The following ST6GALNAC3 variants were observed in gnomAD, a reference collection of about 807,000 sequenced individuals.
The protein encoded by ST6GALNAC3 is ST6 N-acetylgalactosaminide alpha-2,6-sialyltransferase 3, also known as alpha-N-acetylgalactosaminide alpha-2,6-sialyltransferase 3.
In ST6GALNAC3, 25 loss-of-function variants were observed where a neutral mutation model predicts 32.7. That is an observed-to-expected ratio of 0.76 (90% CI 0.56 to 1.07). The LOEUF is 1.07. Among genes scored for constraint, ST6GALNAC3 ranks in the 50% least tolerant of loss-of-function variants. The pLI is 0.00. For synonymous variants in ST6GALNAC3, 129 were observed against 133.1 expected, an observed-to-expected ratio of 0.97 and a Z score of 0.21; for missense variants, 355 against 382.4, an observed-to-expected ratio of 0.93 and a Z score of 0.60.
At chr1:76,511,563 G>C (rs1661864535) in intron 3 of ST6GALNAC3, among the ~76,000 whole-genome samples, 1 of 152,172 alleles carries the variant, frequency 6.6e-6, no homozygotes, top group Non-Finnish European at 1.5e-5. Flanking sequence ...AGATTCTTTA[G>C]AGCAAAGATA....
At chr1:76,277,230 T>A (rs940816267) in intron 1 of ST6GALNAC3, among the ~76,000 whole-genome samples, 2 of 152,082 alleles carry the variant, frequency 1.3e-5, no homozygotes, top group Non-Finnish European at 2.9e-5. Flanking sequence ...TACTCCAACC[T>A]CATATATATT....
chr1:76,360,550 A>G (rs1230979074), intron 2 of ST6GALNAC3, among the ~76,000 whole-genome samples: 1 of 152,238 alleles, frequency 6.6e-6, no homozygotes, highest in Non-Finnish European at 1.5e-5. Flanking sequence ...CAATATATTA[A>G]TACTAAATAT....
intron 3 of ST6GALNAC3, among the ~76,000 whole-genome samples, chr1:76,492,368 C>G (rs1466286883): frequency 6.6e-6 from 1 of 151,542 alleles, no homozygotes; most frequent in African/African-American, 2.4e-5. Flanking sequence ...GGAAAATAGA[C>G]TGACATAAAA....
rs76211181 is a variant in ST6GALNAC3, at chr1:76,265,828, G to C, written c.19-47977G>C. Among the ~76,000 whole-genome samples, 112 of 152,270 alleles carry C rather than the reference G, an allele frequency of 7.4e-4. No individual in the cohort carries two copies. In the East Asian group the frequency reaches 0.019, roughly 26 times the overall value. ...AAGTCTCTGTGTTTCTCAAATAGTT[G>C]TGTGCATAGGTATCACCTACATTGC... On this transcript the variant is annotated intron_variant, in intron 1 of 4. Transcript: ENST00000328299.
chr1:76,217,708 A>G (rs1435817298), intron 1 of ST6GALNAC3, among the ~76,000 whole-genome samples: 1 of 152,154 alleles, frequency 6.6e-6, no homozygotes, highest in Non-Finnish European at 1.5e-5. Context: ...CCATTGTATC[A>G]TTCTTACGCC....
At chr1:76,483,228 G>A (rs1182639129) in intron 3 of ST6GALNAC3, among the ~76,000 whole-genome samples, 1 of 152,096 alleles carries the variant, frequency 6.6e-6, no homozygotes, top group Non-Finnish European at 1.5e-5. Context: ...GTAATCCTTC[G>A]GGTATATACC....
intron 1 of ST6GALNAC3, among the ~76,000 whole-genome samples, chr1:76,166,090 T>A (rs1345280266): frequency 6.6e-6 from 1 of 152,130 alleles, no homozygotes; most frequent in Non-Finnish European, 1.5e-5. Flanking sequence ...TTTCCCTGTT[T>A]CTATGGCCAG....
chr1:76,594,351 A>G (rs1208564030), intron 3 of ST6GALNAC3, among the ~76,000 whole-genome samples: 1 of 152,080 alleles, frequency 6.6e-6, no homozygotes, highest in Admixed American at 6.6e-5. Flanking sequence ...CACCTCATCT[A>G]CCCAACTCTT....
chr1:76,461,510 G>T (rs933938051), intron 3 of ST6GALNAC3, among the ~76,000 whole-genome samples: 2 of 152,330 alleles, frequency 1.3e-5, no homozygotes, highest in South Asian at 2.1e-4. Context: ...GGTGCTTCGT[G>T]CTGGAGCCTT....
At chr1:76,297,827 C>T (rs185032014) in intron 1 of ST6GALNAC3, among the ~76,000 whole-genome samples, 1 of 152,024 alleles carries the variant, frequency 6.6e-6, no homozygotes, top group Non-Finnish European at 1.5e-5. Flanking sequence ...TTGTTTTTTA[C>T]CTACATATCT....
intron 3 of ST6GALNAC3, among the ~76,000 whole-genome samples, chr1:76,566,178 T>A (rs72991827): frequency 6.6e-6 from 1 of 152,166 alleles, no homozygotes; most frequent in African/African-American, 2.4e-5. Flanking sequence ...GATTCTACCC[T>A]AAAATAGTGA....
At chr1:76,414,475 C>T (rs1352793577) in intron 3 of ST6GALNAC3, among the ~76,000 whole-genome samples, 1 of 152,048 alleles carries the variant, frequency 6.6e-6, no homozygotes, top group Non-Finnish European at 1.5e-5. Flanking sequence ...TGTTCCCAAT[C>T]TATATCCTAA....
At chr1:76,146,285 G>A (rs1052985775) in intron 1 of ST6GALNAC3, among the ~76,000 whole-genome samples, 1 of 152,072 alleles carries the variant, frequency 6.6e-6, no homozygotes, top group African/African-American at 2.4e-5. Flanking sequence ...GATGGTGTCT[G>A]TCTAAAGCCT....
intron 1 of ST6GALNAC3, among the ~76,000 whole-genome samples, chr1:76,087,645 C>T (rs1272068811): frequency 6.6e-6 from 1 of 152,078 alleles, no homozygotes; most frequent in African/African-American, 2.4e-5. Flanking sequence ...GTACATCCAC[C>T]TAGGTGAGGA....
intron 1 of ST6GALNAC3, among the ~76,000 whole-genome samples, chr1:76,128,444 C>T (rs542593500): frequency 6.6e-6 from 1 of 152,286 alleles, no homozygotes; most frequent in Admixed American, 6.5e-5. Context: ...AAACTTCTCC[C>T]AGTGAGGAAG....
chr1:76,452,827 TCTTATGGCATAG>T (rs1272325867), intron 3 of ST6GALNAC3, among the ~76,000 whole-genome samples: 1 of 152,188 alleles, frequency 6.6e-6, no homozygotes, highest in African/African-American at 2.4e-5. Context: ...TCTTTCTCTA[TCTTATGGCATAG>T]TGTCAGTAGG....
At chr1:76,106,139 C>G (rs1450450415) in intron 1 of ST6GALNAC3, among the ~76,000 whole-genome samples, 1 of 152,176 alleles carries the variant, frequency 6.6e-6, no homozygotes, top group African/African-American at 2.4e-5. Flanking sequence ...GGCATAGGGC[C>G]TTGAACATAA....
rs149979523 is a variant in ST6GALNAC3, at chr1:76,084,797, G to A, written c.18+9913G>A. Reference sequence around the variant, plus strand: ...CGTTGTCCTAGACCATCCAGTGTTAGCATTTTTCTCATGAGATGAACATTT... The same window carrying A: ...CGTTGTCCTAGACCATCCAGTGTTAACATTTTTCTCATGAGATGAACATTT... On this transcript the variant is annotated intron_variant, in intron 1 of 4. Transcript: ENST00000328299. 1.3e-3 allele frequency among the ~76,000 whole-genome samples: 200 copies of A among 152,298 alleles called. 1 individual carries two copies. The highest frequency in any genetic ancestry group is 4.7e-3 in the African/African-American group (196 of 41,546).
chr1:76,513,292 T>C (rs1661981745), intron 3 of ST6GALNAC3, among the ~76,000 whole-genome samples: 1 of 152,180 alleles, frequency 6.6e-6, no homozygotes, highest in Non-Finnish European at 1.5e-5. Context: ...TTAATCCATT[T>C]AGTTGGATTT....
Sources: gnomAD v4.1 joint callset for allele counts (sites outside exome capture counted in the v4.1 genomes callset) on GRCh38, gnomAD v4.1.1 for gene constraint, MANE v1.5 for transcripts, NCBI Gene and HGNC (gene_info 2026-07-23, HGNC 2026-07-21) for gene names.